The following SOX6 variants were observed in gnomAD, a reference collection of about 807,000 sequenced individuals.
SOX6 encodes the protein SRY-box transcription factor 6, also known as transcription factor SOX-6.
SOX6 carries 11 observed loss-of-function variants against 97.8 expected under a neutral mutation model. The ratio of observed to expected loss-of-function variants is 0.11; its 90% confidence interval spans 0.07 to 0.19. The LOEUF (loss-of-function observed/expected upper bound fraction) is 0.19, where lower values mean the gene tolerates loss of function less well. Among genes scored for constraint, SOX6 ranks in the 10% least tolerant of loss-of-function variants. SOX6 has a pLI of 1.00. For synonymous variants in SOX6, 360 were observed against 371.4 expected, an observed-to-expected ratio of 0.97 and a Z score of 0.35; for missense variants, 810 against 1,039.5, an observed-to-expected ratio of 0.78 and a Z score of 3.04.
At chr11:16,676,474 A>G (rs1325737974) in intron 3 of SOX6, among the ~76,000 whole-genome samples, 1 of 152,106 alleles carries the variant, frequency 6.6e-6, no homozygotes, top group African/African-American at 2.4e-5. Context: ...ATTTCTTTAT[A>G]CTTGTTGAAT....
intron 4 of SOX6, chr11:16,577,055 GCAGGT>G (rs1255382335): frequency 6.6e-6 from 1 of 152,130 alleles, no homozygotes; most frequent in Non-Finnish European, 1.5e-5. Flanking sequence ...TGGAAATGGA[GCAGGT>G]CAGAACTCCC....
intron 2 of SOX6, among the ~76,000 whole-genome samples, chr11:16,734,276 T>C (rs1049559494): frequency 1.5e-4 from 23 of 152,174 alleles, no homozygotes; most frequent in African/African-American, 4.6e-4. Flanking sequence ...TATGTATTTA[T>C]TTATACCTTG....
At chr11:16,146,792 G>A (rs1011664485) in intron 6 of SOX6, among the ~76,000 whole-genome samples, 1 of 152,154 alleles carries the variant, frequency 6.6e-6, no homozygotes, top group Admixed American at 6.6e-5. Flanking sequence ...GCAAATCAAA[G>A]CCACAGTGAG....
intron 4 of SOX6, among the ~76,000 whole-genome samples, chr11:16,217,103 C>G (rs1294147202): frequency 6.6e-6 from 1 of 152,186 alleles, no homozygotes; most frequent in Admixed American, 6.6e-5. Context: ...ATGGTCGTGC[C>G]CATTTCATTT....
intron 6 of SOX6, among the ~76,000 whole-genome samples, chr11:16,162,228 T>C (rs927199312): frequency 2.0e-5 from 3 of 152,178 alleles, no homozygotes; most frequent in Admixed American, 1.3e-4. Flanking sequence ...GTTCAGAATA[T>C]TAAGATATCC....
intron 4 of SOX6, among the ~76,000 whole-genome samples, chr11:16,560,712 G>A (rs1024766948): frequency 3.9e-5 from 6 of 151,934 alleles, no homozygotes; most frequent in Non-Finnish European, 8.8e-5. Flanking sequence ...CAGGATGAAA[G>A]GACAGTATGA....
intron 6 of SOX6, among the ~76,000 whole-genome samples, chr11:16,160,114 G>A (rs567837117): frequency 6.6e-6 from 1 of 152,126 alleles, no homozygotes; most frequent in Non-Finnish European, 1.5e-5. Context: ...TACAAGATAG[G>A]TTTACGGTTT....
At chr11:16,547,646 G>A (rs889704941) in intron 4 of SOX6, among the ~76,000 whole-genome samples, 1 of 152,066 alleles carries the variant, frequency 6.6e-6, no homozygotes, top group Admixed American at 6.6e-5. Flanking sequence ...TTGGGAGGGT[G>A]CAGAATGAGA....
At chr11:16,534,491 G>A (rs1393372951) in intron 4 of SOX6, among the ~76,000 whole-genome samples, 2 of 152,058 alleles carry the variant, frequency 1.3e-5, no homozygotes, top group African/African-American at 4.8e-5. Context: ...AAACAATGCA[G>A]TTTTATAGTC....
At chr11:16,062,449 T>C (rs764454921) in intron 9 of SOX6, among the ~76,000 whole-genome samples, 1 of 151,640 alleles carries the variant, frequency 6.6e-6, no homozygotes, top group Admixed American at 6.6e-5. Context: ...ATTATAATAA[T>C]GAATATTCAT....
chr11:16,722,394 T>G (rs1848273926), intron 2 of SOX6, among the ~76,000 whole-genome samples: 1 of 152,278 alleles, frequency 6.6e-6, no homozygotes, highest in South Asian at 2.1e-4. Flanking sequence ...GGTTCACACC[T>G]GTAATCTCAG....
intron 4 of SOX6, among the ~76,000 whole-genome samples, chr11:16,233,261 G>A (rs748332434): frequency 4.6e-5 from 7 of 152,072 alleles, no homozygotes; most frequent in East Asian, 3.9e-4. Flanking sequence ...ATGACTGTCC[G>A]TAAGGATTGA....
At chr11:16,056,660 C>T (rs369664021) in intron 9 of SOX6, among the ~76,000 whole-genome samples, 1 of 152,276 alleles carries the variant, frequency 6.6e-6, no homozygotes, top group Admixed American at 6.5e-5. Context: ...ATTCTCATTG[C>T]TGTTTCAAGG....
In SOX6 at chr11:16,737,911, A is replaced by G. The variant is rs192137317; in HGVS notation, n.219+514T>C. On this transcript the variant is annotated intron_variant and non_coding_transcript_variant, in intron 1 of 5. Coordinates refer to the SOX6 transcript ENST00000524520. The stretch of plus-strand genomic sequence containing the variant: ...ACCTCAATAATTACTTTTTTTAAAA[A>G]AGAAAAAAAATAGAGGCTTTTGTGG... 3.2e-3 allele frequency among the ~76,000 whole-genome samples: 486 copies of G among 152,246 alleles called. 12 individuals carry two copies. The highest frequency in any genetic ancestry group is 0.023 in the Admixed American group (357 of 15,296).
chr11:16,572,379 G>A (rs1233955044), intron 4 of SOX6, among the ~76,000 whole-genome samples: 1 of 152,060 alleles, frequency 6.6e-6, no homozygotes, highest in Non-Finnish European at 1.5e-5. Context: ...GCAACTGATT[G>A]CACTTCAAAA....
chr11:16,666,678 T>A (rs1847809261), intron 3 of SOX6, among the ~76,000 whole-genome samples: 2 of 152,078 alleles, frequency 1.3e-5, no homozygotes, highest in Non-Finnish European at 2.9e-5. Flanking sequence ...GTGCCTATAA[T>A]CCCAGCTATT....
At position 16,400,778 on chromosome 11, in the gene SOX6, A is replaced by C. The variant is rs1046572132; in HGVS notation, c.-4-59526T>G. Among the ~76,000 whole-genome samples, 5 of 151,658 alleles carry C rather than the reference A, an allele frequency of 3.3e-5. No homozygotes were observed. In the East Asian group the frequency reaches 9.7e-4, roughly 29 times the overall value. Reference sequence around the variant, plus strand: ...CTAGACATGTTCTTTCTTCTCATACATACGTAGATAAAAGACTTGTATGAA... The same window carrying C: ...CTAGACATGTTCTTTCTTCTCATACCTACGTAGATAAAAGACTTGTATGAA... On this transcript the variant is annotated intron_variant, in intron 1 of 15. Transcript: ENST00000396356.
At chr11:16,612,835 G>A (rs1361288903) in intron 3 of SOX6, among the ~76,000 whole-genome samples, 1 of 152,004 alleles carries the variant, frequency 6.6e-6, no homozygotes, top group African/African-American at 2.4e-5. Context: ...TGGAATCTGG[G>A]AACCTTACCT....
chr11:16,583,477 C>T (rs980694315), intron 4 of SOX6, among the ~76,000 whole-genome samples: 5 of 150,964 alleles, frequency 3.3e-5, no homozygotes, highest in Non-Finnish European at 7.4e-5. Context: ...CACTATTCTA[C>T]TGTCTACTTT....
Sources: gnomAD v4.1 joint callset for allele counts (sites outside exome capture counted in the v4.1 genomes callset) on GRCh38, gnomAD v4.1.1 for gene constraint, MANE v1.5 for transcripts, NCBI Gene and HGNC (gene_info 2026-07-23, HGNC 2026-07-21) for gene names.